Variants in DGKD observed in about 807,000 individuals in gnomAD.
DGKD encodes DAG kinase delta.
A neutral mutation model predicts 154.4 loss-of-function variants in DGKD; 68 were observed. That is an observed-to-expected ratio of 0.44 (90% confidence interval 0.36 to 0.54). The LOEUF (loss-of-function observed/expected upper bound fraction) is 0.54, where lower values mean the gene tolerates loss of function less well. Ranked by LOEUF, DGKD falls within the 20% of genes least tolerant of loss-of-function variation. The probability of loss-of-function intolerance (pLI) is 0.00; values close to 1 mark genes in which losing one functional copy is unlikely to be tolerated. For missense variants in DGKD, 1,343 were observed against 1,593.6 expected (o/e 0.84, Z 2.68); for synonymous variants, 693 against 638.0 (o/e 1.09, Z -1.30).
In DGKD at chr2:233,470,619, G is replaced by GC. The variant is rs1409503752; in HGVS notation, c.*1163dup. ...GGAGCTCGCCTGGGGAGAGGGCTGT[G>GC]CCCCGTAGGGACAGTGCCCAGGTGA... On this transcript the variant is annotated 3_prime_UTR_variant, in exon 30 of 30. Coordinates refer to ENST00000264057, the MANE Select transcript of DGKD (RefSeq NM_152879.3). 1.3e-5 allele frequency: 2 copies of GC among 152,586 alleles called. No homozygotes were observed. The highest frequency in any genetic ancestry group is 1.3e-4 in the Admixed American group (2 of 15,298). The allele number at this position is 152,586 out of a possible 1,614,324, so 9.5% of individuals were successfully genotyped here. A position where few individuals can be genotyped will look rare whatever the true frequency, so the allele number is the denominator to read the frequency against.
At chr2:233,460,510 TCC>T (rs1309149498) in intron 24 of DGKD, among the ~76,000 whole-genome samples, 165 bp downstream of exon 24, 3 of 152,200 alleles carry the variant, frequency 2.0e-5, no homozygotes, top group African/African-American at 7.2e-5. Context: ...CTGGCTCATT[TCC>T]CCAGTGGTCT....
Position 233,460,823 on chromosome 2 carries a change from C to T in DGKD, c.2981+478C>T, listed in dbSNP as rs775765604. On this transcript the variant is annotated intron_variant, in intron 24 of 29. Coordinates refer to ENST00000264057, the MANE Select transcript of DGKD (RefSeq NM_152879.3). Reference sequence around the variant, plus strand: ...AGCAGAATCAGTCGAACCCCAGAGGCGGAGGTTGCAGTGAGCCGAGATAGC... The same window carrying T: ...AGCAGAATCAGTCGAACCCCAGAGGTGGAGGTTGCAGTGAGCCGAGATAGC... 3.3e-5 allele frequency among the ~76,000 whole-genome samples: 5 copies of T among 152,166 alleles called. No homozygotes were observed. The East Asian group carries it at 5.8e-4, about 18-fold the overall frequency.
intron 1 of DGKD, among the ~76,000 whole-genome samples, chr2:233,367,118 C>G (rs1028678914): frequency 6.6e-6 from 1 of 152,140 alleles, no homozygotes; most frequent in Non-Finnish European, 1.5e-5. Context: ...TTGTTGTTAT[C>G]TCTTTAGTTT....
chr2:233,456,905 AACC>A lies in DGKD; in HGVS notation c.2384_2386del (p.Thr795del). 6.2e-7 allele frequency: 1 copy of A among 1,613,904 alleles called. No homozygotes were observed. Among genetic ancestry groups the A allele is most frequent in the South Asian group, 1.1e-5 (1 of 91,070 alleles). On this transcript the variant is annotated inframe_deletion, in exon 20 of 30. Transcript: ENST00000264057. ...TCTTTGCTTCTGTTTCTAGGAGCCG[AACC>A]AAGAACATGATGTGGTATGGAGTTC... is the stretch of plus-strand genomic sequence containing the variant.
rs1010450268 is a variant in DGKD at position 233,434,979 on chromosome 2, C to T, written c.586+78C>T. The T allele has an allele frequency of 5.8e-6, 9 of 1,544,502 alleles. No homozygotes were observed. In the African/African-American group the frequency reaches 1.1e-4, roughly 19 times the overall value. On this transcript the variant is annotated intron_variant, in intron 5 of 29. Transcript: ENST00000264057. ...TGATAAAGCCTTGGAAATCCAAACCCAGTCACCATAAATAAGCCGTTGTCA... is the reference window on the plus strand; with the variant it reads ...TGATAAAGCCTTGGAAATCCAAACCTAGTCACCATAAATAAGCCGTTGTCA...
chr2:233,422,971 T>C (rs2062168380), intron 3 of DGKD, among the ~76,000 whole-genome samples: 1 of 152,210 alleles, frequency 6.6e-6, no homozygotes, highest in Admixed American at 6.5e-5. Flanking sequence ...TCCATTTCTA[T>C]AATTTGGTCT....
At chr2:233,468,316 C>A in intron 28 of DGKD, 107 bp from the exon 29 acceptor site, 1 of 1,395,436 alleles carries the variant, frequency 7.2e-7, no homozygotes, top group Non-Finnish European at 9.8e-7. Context: ...GCTGTTGGGA[C>A]GTCTCCTGTC....
chr2:233,418,139 T>C (rs1479658102), intron 3 of DGKD, among the ~76,000 whole-genome samples: 1 of 152,272 alleles, frequency 6.6e-6, no homozygotes, highest in African/African-American at 2.4e-5. Context: ...TGTCCATGAC[T>C]ATGGGCCTGT....
intron 10 of DGKD, among the ~76,000 whole-genome samples, chr2:233,444,361 C>T (rs892126876): frequency 1.4e-4 from 22 of 152,010 alleles, no homozygotes; most frequent in Non-Finnish European, 2.1e-4. Context: ...CGACCTTTCC[C>T]GGGGCATTTC....
In DGKD at chr2:233,432,177, G is replaced by A. The variant is rs529862906; in HGVS notation, c.349-2203G>A. On this transcript the variant is annotated intron_variant, in intron 3 of 29. Transcript: ENST00000264057. Reference sequence around the variant, plus strand: ...GAGGCCAAGGTGGGCGGATCACGAGGTCAGGAGATCGTGACCATCCTGGCT... The same window carrying A: ...GAGGCCAAGGTGGGCGGATCACGAGATCAGGAGATCGTGACCATCCTGGCT... Among the ~76,000 whole-genome samples the A allele has an allele frequency of 2.6e-3, 376 of 144,260 alleles. 2 individuals are homozygous for A. Among genetic ancestry groups the A allele is most frequent in the Non-Finnish European group, 4.3e-3 (289 of 67,466 alleles). The allele number at this position is 144,260 out of a possible 152,430, so 94.6% of individuals were successfully genotyped here. A position where few individuals can be genotyped will look rare whatever the true frequency, so the allele number is the denominator to read the frequency against.
rs1295722665 is a variant in DGKD, at chr2:233,434,939, G to A, written c.586+38G>A. 6 of 1,586,984 alleles carry A rather than the reference G, an allele frequency of 3.8e-6. No homozygotes were observed. In the Admixed American group the frequency reaches 8.7e-5, roughly 23 times the overall value. On this transcript the variant is annotated intron_variant, in intron 5 of 29. Transcript: ENST00000264057. ...GTTTGTTATTCTGTCAGGAAAGGTGGCCTGGCATTTTACTTGATAAAGCCT... is the reference window on the plus strand; with the variant it reads ...GTTTGTTATTCTGTCAGGAAAGGTGACCTGGCATTTTACTTGATAAAGCCT...
At position 233,468,532 on chromosome 2, in the gene DGKD, C is replaced by T. The variant is rs1163270519; in HGVS notation, c.3534C>T (p.His1178=). 1.9e-6 allele frequency: 3 copies of T among 1,613,850 alleles called. No homozygotes were observed. Among genetic ancestry groups the T allele is most frequent in the Non-Finnish European group, 2.5e-6 (3 of 1,179,972 alleles). ...RHDIRGSELL[H]LERRDLKDLG... ...ACATCCGGGGCTCTGAGCTCCTGCA[C>T]CTGGAGCGGAGGGACCTCAAGGTAC... Residue 1178 remains histidine (H), a synonymous_variant, in exon 29 of 30, where the codon CAC becomes CAT. Coordinates refer to ENST00000264057, the MANE Select transcript of DGKD (RefSeq NM_152879.3).
Position 233,458,197 on chromosome 2 carries a change from G to A in DGKD, c.2581-87G>A. 1.3e-6 allele frequency: 1 copy of A among 799,226 alleles called. No individual in the cohort carries two copies. Among genetic ancestry groups the A allele is most frequent in the Non-Finnish European group, 2.1e-6 (1 of 485,422 alleles). 49.5% of individuals were successfully genotyped at this position (799,226 alleles called of 1,614,324 possible). On this transcript the variant is annotated intron_variant, in intron 21 of 29. Transcript: ENST00000264057. The surrounding 1 kb of genome is among the most constrained non-coding windows in gnomAD (Gnocchi z 6.6). ...AACTTCTCGCCAGCTAGGAGGGGCT[G>A]ACCCCCAGAGGGAGGGAGTGAGGGT...
rs763882468 is a variant in DGKD at position 233,457,493 on chromosome 2, G to A, written c.2580+165G>A. The A allele has an allele frequency of 3.3e-5, 23 of 695,256 alleles. No homozygotes were observed. In the Middle Eastern group the frequency reaches 6.9e-4, roughly 21 times the overall value. The allele number at this position is 695,256 out of a possible 1,614,324, so 43.1% of individuals were successfully genotyped here. A position where few individuals can be genotyped will look rare whatever the true frequency, so the allele number is the denominator to read the frequency against. ...GACAGGGTCCCCCACCCAGCTCATCGTCTAGAGGGCTGAGCAGAGCAGTTG... is the reference window on the plus strand; with the variant it reads ...GACAGGGTCCCCCACCCAGCTCATCATCTAGAGGGCTGAGCAGAGCAGTTG... On this transcript the variant is annotated intron_variant, in intron 21 of 29. Transcript: ENST00000264057. The surrounding 1 kb of genome is among the most constrained non-coding windows in gnomAD (Gnocchi z 5.5).
chr2:233,451,985 G>A lies in DGKD; in HGVS notation c.2189G>A (p.Gly730Asp). 6.2e-7 allele frequency: 1 copy of A among 1,614,000 alleles called. No homozygotes were observed. The highest frequency in any genetic ancestry group is 8.5e-7 in the Non-Finnish European group (1 of 1,179,926). The change falls in exon 18 of 30, where the codon GGT (glycine) becomes GAT (aspartate). Residue 730 changes from glycine to aspartate, a missense_variant. By Grantham distance (94) the Gly-to-Asp change is moderately conservative (BLOSUM62 -1). This residue lies in a region of DGKD where 409 missense variants were observed against 446.0 expected (regional missense o/e 0.92). Coordinates refer to ENST00000264057, the MANE Select transcript of DGKD (RefSeq NM_152879.3). ...ACAGATGTCCGGGCTGGAATGTCTG[G>A]TTCCTTACCCGGTGGCTCAGTCATC... ...LYPNVRAGMSGSLPGGSVISR... is the reference protein window; with the variant it reads ...LYPNVRAGMSDSLPGGSVISR...
Position 233,460,304 on chromosome 2 carries a change from G to T in DGKD, c.2940G>T (p.Gln980His), listed in dbSNP as rs755929458. The change falls in exon 24 of 30, where the codon CAG (glutamine) becomes CAT (histidine). Residue 980 changes from glutamine (Q) to histidine (H), a missense_variant. Gln to His is a conservative substitution (Grantham distance 24, BLOSUM62 0). Around this residue, in one of 6 missense-constraint regions of DGKD, gnomAD observed 429 missense variants for 496.3 expected, o/e 0.86. Transcript: ENST00000264057. The stretch of plus-strand genomic sequence containing the variant: ...TGCTGTCCGAGGAGGAGGCCACCCA[G>T]ATGGACCAGTTTGGGCAGGCAGCAG... Reference protein sequence around the residue: ...PEMLSEEEATQMDQFGQAAGV... With the variant: ...PEMLSEEEATHMDQFGQAAGV... 1 of 1,614,062 alleles carries T rather than the reference G, an allele frequency of 6.2e-7. No homozygotes were observed. Among genetic ancestry groups the T allele is most frequent in the East Asian group, 2.2e-5 (1 of 44,822 alleles).
Position 233,457,199 on chromosome 2 carries a change from G to C in DGKD, c.2473-22G>C. The C allele has an allele frequency of 6.7e-7, 1 of 1,497,384 alleles. No individual in the cohort carries two copies. Among genetic ancestry groups the C allele is most frequent in the Non-Finnish European group, 9.0e-7 (1 of 1,114,712 alleles). The allele number at this position is 1,497,384 out of a possible 1,614,324, so 92.8% of individuals were successfully genotyped here. On this transcript the variant is annotated intron_variant, in intron 20 of 29. Transcript: ENST00000264057. This position sits in a 1 kb window ranked among gnomAD's most constrained non-coding sequence, Gnocchi z 5.5. ...GACTCATACCTTTCTCTTTTCTTTT[G>C]TTCTGTGTCTCTGCTGCTCAGTGTG...
chr2:233,449,421 T>C lies in DGKD; in HGVS notation c.1888+45T>C. 1 of 1,558,230 alleles carries C rather than the reference T, an allele frequency of 6.4e-7. No homozygotes were observed. Among genetic ancestry groups the C allele is most frequent in the Non-Finnish European group, 8.7e-7 (1 of 1,145,746 alleles). On this transcript the variant is annotated intron_variant, in intron 15 of 29. Transcript: ENST00000264057. This position sits in a 1 kb window ranked among gnomAD's most constrained non-coding sequence, Gnocchi z 5.3. ...GGAGGGGCTTTCCTCAGGCCAGCAC[T>C]GGGCATGCCCAGCGTCCCCTGAACA...
chr2:233,467,713 C>T (rs1382835796), intron 28 of DGKD, among the ~76,000 whole-genome samples: 2 of 152,218 alleles, frequency 1.3e-5, no homozygotes, highest in Admixed American at 6.5e-5. Flanking sequence ...AACTCTCTGT[C>T]TGAAGGATCA....
Sources: gnomAD v4.1 joint callset for allele counts (sites outside exome capture counted in the v4.1 genomes callset) on GRCh38, gnomAD v4.1.1 for gene constraint, gnomAD v4.1.1 regional missense constraint, Gnocchi (gnomAD v3.1) non-coding constraint, MANE v1.5 for transcripts, NCBI Gene and HGNC (gene_info 2026-07-23, HGNC 2026-07-21) for gene names.